Variants in COL4A2 observed in about 807,000 individuals in gnomAD.
The protein encoded by COL4A2 is collagen alpha-2(IV) chain.
In COL4A2, 99 loss-of-function variants were observed where a neutral mutation model predicts 200.2. The ratio of observed to expected loss-of-function variants is 0.49; its 90% CI spans 0.42 to 0.58. The LOEUF is 0.58. Ranked by LOEUF, COL4A2 falls within the 20% of genes least tolerant of loss-of-function variation. COL4A2 has a pLI of 0.00. For synonymous variants in COL4A2, 897 were observed against 900.6 expected, an observed-to-expected ratio of 1.00 and a Z score of 0.07; for missense variants, 1,950 against 2,314.1, an observed-to-expected ratio of 0.84 and a Z score of 3.23.
intron 36 of COL4A2, among the ~76,000 whole-genome samples, chr13:110,490,407 G>A (rs1243343567): frequency 6.6e-6 from 1 of 152,226 alleles, no homozygotes; most frequent in East Asian, 1.9e-4. Flanking sequence ...GGAGCCCCAG[G>A]GGCTTGCAGG....
intron 28 of COL4A2, among the ~76,000 whole-genome samples, chr13:110,471,613 C>G (rs1251403832): frequency 1.3e-5 from 2 of 152,270 alleles, no homozygotes; most frequent in East Asian, 3.9e-4. Context: ...GTGAGTAAAT[C>G]ACACCGTTAA....
At chr13:110,418,349 G>C (rs538498785) in intron 4 of COL4A2, among the ~76,000 whole-genome samples, 1 of 152,126 alleles carries the variant, frequency 6.6e-6, no homozygotes, top group African/African-American at 2.4e-5. Context: ...TGTATCTTTT[G>C]ACAATCAAAC....
chr13:110,479,571 G>A (rs1164716586), intron 30 of COL4A2, among the ~76,000 whole-genome samples: 1 of 149,756 alleles, frequency 6.7e-6, no homozygotes, highest in East Asian at 1.9e-4. Flanking sequence ...CCAAAGGTTG[G>A]GAGCAGTGAA....
intron 32 of COL4A2, among the ~76,000 whole-genome samples, chr13:110,483,247 T>G (rs934107262): frequency 9.9e-5 from 15 of 152,200 alleles, no homozygotes; most frequent in Non-Finnish European, 1.9e-4. Context: ...TCTAAAAACG[T>G]AATGACTAAG....
At chr13:110,324,904 C>A (rs1196490963) in intron 3 of COL4A2, among the ~76,000 whole-genome samples, 3 of 152,198 alleles carry the variant, frequency 2.0e-5, no homozygotes, top group Admixed American at 2.0e-4. Flanking sequence ...TAATTTTCAT[C>A]TGTTGGTTCT....
intron 11 of COL4A2, among the ~76,000 whole-genome samples, chr13:110,433,499 G>T (rs1352496101): frequency 3.3e-5 from 5 of 152,228 alleles, no homozygotes; most frequent in Non-Finnish European, 7.3e-5. Context: ...CCGCGTTTCT[G>T]TGCTTTGATT....
chr13:110,493,544 A>T (rs1193591689), intron 39 of COL4A2, among the ~76,000 whole-genome samples: 1 of 152,178 alleles, frequency 6.6e-6, no homozygotes, highest in Non-Finnish European at 1.5e-5. Flanking sequence ...CGGAGAGAGA[A>T]ATAGAGTCCT....
At position 110,512,313 on chromosome 13, in the gene COL4A2, A is replaced by G; in HGVS notation, c.*122A>G. On this transcript the variant is annotated 3_prime_UTR_variant, in exon 48 of 48. Transcript: ENST00000360467. ...AAAAAAGTCTACCAAAGGAATTTGC[A>G]TCCAGCAGCAGCACTTAGACCTGCC... 7.0e-7 allele frequency: 1 copy of G among 1,421,370 alleles called. No individual in the cohort carries two copies. The highest frequency in any genetic ancestry group is 9.2e-7 in the Non-Finnish European group (1 of 1,086,836). The allele number at this position is 1,421,370 out of a possible 1,614,324, so 88.0% of individuals were successfully genotyped here. A position where few individuals can be genotyped will look rare whatever the true frequency, so the allele number is the denominator to read the frequency against.
chr13:110,496,742 C>T (rs1359870799), intron 40 of COL4A2, among the ~76,000 whole-genome samples: 1 of 149,608 alleles, frequency 6.7e-6, no homozygotes, highest in East Asian at 2.0e-4. Context: ...TAAGGTCAGT[C>T]CACCAGCACA....
intron 3 of COL4A2, among the ~76,000 whole-genome samples, chr13:110,344,936 A>G (rs896135441): frequency 6.6e-6 from 1 of 152,216 alleles, no homozygotes; most frequent in Non-Finnish European, 1.5e-5. Context: ...GGCCCTAGTT[A>G]CAAAGTTGCA....
At chr13:110,360,492 G>A (rs1375062134) in intron 4 of COL4A2, among the ~76,000 whole-genome samples, 1 of 152,166 alleles carries the variant, frequency 6.6e-6, no homozygotes, top group African/African-American at 2.4e-5. Flanking sequence ...ATTAGGAGGG[G>A]ATTTCTAAGG....
chr13:110,397,308 C>T (rs1465902412), intron 4 of COL4A2, among the ~76,000 whole-genome samples: 28 of 152,294 alleles, frequency 1.8e-4, no homozygotes, highest in Non-Finnish European at 5.9e-5. Flanking sequence ...GCCCCGGAAC[C>T]GAAGAACCCC....
At chr13:110,321,350 A>G (rs1007733892) in intron 3 of COL4A2, among the ~76,000 whole-genome samples, 1 of 152,186 alleles carries the variant, frequency 6.6e-6, no homozygotes, top group Non-Finnish European at 1.5e-5. Flanking sequence ...AAAATTTACC[A>G]TTGTACCCAT....
At chr13:110,381,727 C>T (rs1270557324) in intron 4 of COL4A2, among the ~76,000 whole-genome samples, 3 of 152,164 alleles carry the variant, frequency 2.0e-5, no homozygotes, top group Non-Finnish European at 4.4e-5. Context: ...TTGAATCTGC[C>T]TCACTCCTTT....
intron 4 of COL4A2, among the ~76,000 whole-genome samples, chr13:110,402,456 A>C (rs954630120): frequency 2.0e-5 from 3 of 152,126 alleles, no homozygotes; most frequent in Admixed American, 6.5e-5. Flanking sequence ...TTCTGGACAC[A>C]CTGGGGTGGG....
chr13:110,308,362 G>A (rs969349180), intron 3 of COL4A2, among the ~76,000 whole-genome samples: 3 of 152,136 alleles, frequency 2.0e-5, no homozygotes, highest in African/African-American at 7.2e-5. Context: ...GCCTTTCACG[G>A]GAACTGGGAA....
At chr13:110,349,446 C>T (rs1232722643) in intron 3 of COL4A2, among the ~76,000 whole-genome samples, 1 of 152,212 alleles carries the variant, frequency 6.6e-6, no homozygotes, top group Non-Finnish European at 1.5e-5. Flanking sequence ...AGAGCCAGGG[C>T]AGCAACCAGG....
At position 110,466,056 on chromosome 13, in the gene COL4A2, C is replaced by G; in HGVS notation, c.2032C>G (p.Gln678Glu). The G allele has an allele frequency of 6.2e-7, 1 of 1,613,706 alleles. No homozygotes were observed. Among genetic ancestry groups the G allele is most frequent in the Non-Finnish European group, 8.5e-7 (1 of 1,179,662 alleles). The change falls in exon 26 of 48, where the codon CAG becomes GAG. Residue 678 changes from glutamine (Q) to glutamate (E), a missense_variant. Physicochemically the swap from Gln to Glu is conservative, Grantham distance 29. Coordinates refer to ENST00000360467, the MANE Select transcript of COL4A2 (RefSeq NM_001846.4). Reference protein sequence around the residue: ...AVGGDRQEAIQPGCIGGPKGL... With the variant: ...AVGGDRQEAIEPGCIGGPKGL... ...TGGAGGTGACAGACAGGAGGCCATC[C>G]AGCCAGGTACTCTGGGAAGTGCAGG...
chr13:110,313,193 T>C (rs1241007163), intron 3 of COL4A2, among the ~76,000 whole-genome samples: 1 of 152,200 alleles, frequency 6.6e-6, no homozygotes, highest in African/African-American at 2.4e-5. Flanking sequence ...GCAGAGTTCC[T>C]GGATAGTCCC....
Sources: allele counts gnomAD v4.1 joint callset (sites outside exome capture counted in the v4.1 genomes callset), GRCh38; gene constraint gnomAD v4.1.1; transcripts MANE v1.5; gene names NCBI Gene and HGNC (gene_info 2026-07-23, HGNC 2026-07-21).